The following FOXH1 variants were observed in gnomAD, a reference collection of about 807,000 sequenced individuals.
FOXH1 encodes the protein forkhead box protein H1.
Under a neutral mutation model 14.2 loss-of-function variants are expected in FOXH1, and 10 were observed. The observed-to-expected ratio is 0.70, with a 90% CI of 0.43 to 1.19. FOXH1 has a LOEUF of 1.19. Among genes scored for constraint, FOXH1 ranks in the 50% most tolerant of loss-of-function variants. The pLI is 0.00. For synonymous variants in FOXH1, 273 were observed against 209.5 expected, an observed-to-expected ratio of 1.30 and a Z score of -2.62; for missense variants, 643 against 492.1, an observed-to-expected ratio of 1.31 and a Z score of -2.90.
At position 144,474,075 on chromosome 8, in the gene FOXH1, C is replaced by G. The variant is rs537111394; in HGVS notation, c.*163G>C. The G allele has an allele frequency of 3.1e-4, 192 of 619,762 alleles. No homozygotes were observed. The highest frequency in any genetic ancestry group is 2.7e-3 in the African/African-American group (147 of 54,274). 38.4% of individuals were successfully genotyped at this position (619,762 alleles called of 1,614,324 possible). On this transcript the variant is annotated 3_prime_UTR_variant, in exon 3 of 3. Coordinates refer to ENST00000377317, the MANE Select transcript of FOXH1 (RefSeq NM_003923.3). ...GTGAGGGTTGTGCCCAGCTGGGCCA[C>G]GGCCATGCGTGGGGTGGCCCAATAA...
In FOXH1 at chr8:144,473,695, C is replaced by G. The variant is rs1264702429; in HGVS notation, c.*543G>C. 2.1e-6 allele frequency: 1 copy of G among 486,260 alleles called. No homozygotes were observed. The highest frequency in any genetic ancestry group is 3.6e-6 in the Non-Finnish European group (1 of 279,856). The allele number at this position is 486,260 out of a possible 1,614,324, so 30.1% of individuals were successfully genotyped here. On this transcript the variant is annotated 3_prime_UTR_variant, in exon 3 of 3. Coordinates refer to ENST00000377317, the MANE Select transcript of FOXH1 (RefSeq NM_003923.3). ...CAGGCCCCCCCGCCAAGTGGTTACC[C>G]AAGTCACCACTCCTGACCCAAAAAT...
At chr8:144,475,327 T>C in intron 1 of FOXH1, 66 bp from the exon 2 acceptor site, 1 of 1,339,132 alleles carries the variant, frequency 7.5e-7, no homozygotes, top group African/African-American at 1.4e-5. Context: ...GCCCTACCCC[T>C]CCCCCACTAC....
rs1200736907 is a variant in FOXH1, at chr8:144,473,541, C to T, written c.*697G>A. ...AGCTCCCAGAGTCACCCCTCCACCT[C>T]CGCAGCCAGTGAAGTGTGTTGTGCC... On this transcript the variant is annotated 3_prime_UTR_variant, in exon 3 of 3. Coordinates refer to ENST00000377317, the MANE Select transcript of FOXH1 (RefSeq NM_003923.3). 77 of 1,212,458 alleles carry T rather than the reference C, an allele frequency of 6.4e-5. No individual in the cohort carries two copies. Among genetic ancestry groups the T allele is most frequent in the Admixed American group, 9.1e-5 (3 of 33,130 alleles). The allele number at this position is 1,212,458 out of a possible 1,614,324, so 75.1% of individuals were successfully genotyped here.
At chr8:144,475,117 G>A in intron 2 of FOXH1, 40 bp downstream of exon 2, 2 of 1,606,408 alleles carry the variant, frequency 1.2e-6, no homozygotes, top group Non-Finnish European at 1.7e-6. Context: ...GGACTTCCGC[G>A]CGCGCTCCGC....
rs148389554 is a variant in FOXH1, at chr8:144,474,066, G to T, written c.*172C>A. On this transcript the variant is annotated 3_prime_UTR_variant, in exon 3 of 3. Transcript: ENST00000377317. ...CAGACCAGGGTGAGGGTTGTGCCCA[G>T]CTGGGCCACGGCCATGCGTGGGGTG... 6.6e-6 allele frequency: 4 copies of T among 608,998 alleles called. No individual in the cohort carries two copies. The highest frequency in any genetic ancestry group is 1.2e-5 in the Non-Finnish European group (4 of 346,622). The allele number at this position is 608,998 out of a possible 1,614,324, so 37.7% of individuals were successfully genotyped here. A position where few individuals can be genotyped will look rare whatever the true frequency, so the allele number is the denominator to read the frequency against.
chr8:144,473,493 C>G lies in FOXH1; in HGVS notation c.*745G>C. On this transcript the variant is annotated 3_prime_UTR_variant, in exon 3 of 3. Transcript: ENST00000377317. ...GTCTCCCAGGGCACAAGCTCCCTAG[C>G]CTCTTTGGATCCATTGCCCCTGAGC... 1 of 1,431,946 alleles carries G rather than the reference C, an allele frequency of 7.0e-7. No individual in the cohort carries two copies. The highest frequency in any genetic ancestry group is 1.5e-5 in the South Asian group (1 of 67,580). 88.7% of individuals were successfully genotyped at this position (1,431,946 alleles called of 1,614,324 possible). A position where few individuals can be genotyped will look rare whatever the true frequency, so the allele number is the denominator to read the frequency against.
Position 144,474,263 on chromosome 8 carries a change from C to T in FOXH1, c.1073G>A (p.Trp358Ter). The T allele has an allele frequency of 1.3e-6, 2 of 1,588,942 alleles. No individual in the cohort carries two copies. Among genetic ancestry groups the T allele is most frequent in the Non-Finnish European group, 8.6e-7 (1 of 1,166,840 alleles). The change falls in exon 3 of 3, where the codon TGG becomes TAG. Residue 358 changes from tryptophan to a stop codon, truncating the protein, a stop_gained. Coordinates refer to ENST00000377317, the MANE Select transcript of FOXH1 (RefSeq NM_003923.3). LOFTEE classifies it high-confidence loss of function. ...PRDLAAPGPG[W>*]LLSWCSL The stretch of plus-strand genomic sequence containing the variant: ...TCACAGGCTGCACCAGGAGAGCAGC[C>T]AGCCTGGGCCAGGGGCCGCCAGGTC...
chr8:144,473,986 A>T lies in FOXH1; in HGVS notation c.*252T>A. The stretch of plus-strand genomic sequence containing the variant: ...AGAGGGGACTAGGAAGGGCTATTCC[A>T]GGCTCAGCCCTGCTCCTGCAGCTTT... On this transcript the variant is annotated 3_prime_UTR_variant, in exon 3 of 3. Transcript: ENST00000377317. 1 of 549,054 alleles carries T rather than the reference A, an allele frequency of 1.8e-6. No homozygotes were observed. The highest frequency in any genetic ancestry group is 2.6e-5 in the South Asian group (1 of 38,514). 34.0% of individuals were successfully genotyped at this position (549,054 alleles called of 1,614,324 possible).
chr8:144,473,704 A>C lies in FOXH1; in HGVS notation c.*534T>G. On this transcript the variant is annotated 3_prime_UTR_variant, in exon 3 of 3. Coordinates refer to ENST00000377317, the MANE Select transcript of FOXH1 (RefSeq NM_003923.3). ...CCGCCAAGTGGTTACCCAAGTCACC[A>C]CTCCTGACCCAAAAATCAGGCATGG... 1 of 461,474 alleles carries C rather than the reference A, an allele frequency of 2.2e-6. No homozygotes were observed. 28.6% of individuals were successfully genotyped at this position (461,474 alleles called of 1,614,324 possible). A position where few individuals can be genotyped will look rare whatever the true frequency, so the allele number is the denominator to read the frequency against.
chr8:144,473,495 T>A lies in FOXH1; in HGVS notation c.*743A>T. The A allele has an allele frequency of 7.0e-7, 1 of 1,423,874 alleles. No individual in the cohort carries two copies. The highest frequency in any genetic ancestry group is 9.2e-7 in the Non-Finnish European group (1 of 1,090,334). The allele number at this position is 1,423,874 out of a possible 1,614,324, so 88.2% of individuals were successfully genotyped here. ...CTCCCAGGGCACAAGCTCCCTAGCC[T>A]CTTTGGATCCATTGCCCCTGAGCTC... On this transcript the variant is annotated 3_prime_UTR_variant, in exon 3 of 3. Coordinates refer to ENST00000377317, the MANE Select transcript of FOXH1 (RefSeq NM_003923.3).
Position 144,473,432 on chromosome 8 carries a change from C to T in FOXH1, c.*806G>A, listed in dbSNP as rs1172944908. The T allele has an allele frequency of 1.3e-6, 2 of 1,545,130 alleles. No homozygotes were observed. Among genetic ancestry groups the T allele is most frequent in the Non-Finnish European group, 1.7e-6 (2 of 1,150,664 alleles). On this transcript the variant is annotated 3_prime_UTR_variant, in exon 3 of 3. Transcript: ENST00000377317. ...GCCCATGGGGTCTCAGGCCAGGTCT[C>T]TGCTGGCAGAGGCGGTAGTAAAGTC...
Position 144,475,216 on chromosome 8 carries a change from A to C in FOXH1, c.220T>G (p.Tyr74Asp), listed in dbSNP as rs760890630. The C allele has an allele frequency of 5.0e-6, 8 of 1,613,416 alleles. No individual in the cohort carries two copies. The South Asian group carries it at 8.8e-5, about 18-fold the overall frequency. ...QAVFPFFRED[Y>D]EGWKDSIRHN... is the part of the protein sequence containing the mutation. ...CGAATGGAGTCTTTCCAGCCCTCGTAGTCTTCCCTGAAGAAGGGGAACACG... is the reference window on the plus strand; with the variant it reads ...CGAATGGAGTCTTTCCAGCCCTCGTCGTCTTCCCTGAAGAAGGGGAACACG... The change falls in exon 2 of 3, where the codon TAC becomes GAC. Residue 74 changes from tyrosine (Y) to aspartate (D), a missense_variant. By Grantham distance (160) the Tyr-to-Asp change is radical (BLOSUM62 -3). Transcript: ENST00000377317.
intron 2 of FOXH1, 38 bp from the exon 3 acceptor site, chr8:144,475,094 C>G (rs781520777): frequency 1.2e-6 from 2 of 1,602,688 alleles, no homozygotes; most frequent in African/African-American, 2.7e-5. Flanking sequence ...GGCTGCCCAA[C>G]CTTGGATGCT....
chr8:144,474,044 A>T lies in FOXH1; in HGVS notation c.*194T>A, dbSNP rs1825058633. 1.7e-6 allele frequency: 1 copy of T among 591,302 alleles called. No individual in the cohort carries two copies. Among genetic ancestry groups the T allele is most frequent in the Non-Finnish European group, 3.0e-6 (1 of 334,220 alleles). 36.6% of individuals were successfully genotyped at this position (591,302 alleles called of 1,614,324 possible). ...AGTGTAGGAAAAACAGGCATGACAG[A>T]CCAGGGTGAGGGTTGTGCCCAGCTG... is the stretch of plus-strand genomic sequence containing the variant. On this transcript the variant is annotated 3_prime_UTR_variant, in exon 3 of 3. Transcript: ENST00000377317.
chr8:144,475,157 C>T lies in FOXH1; in HGVS notation c.279G>A (p.Lys93=). Residue 93 remains lysine (K), a splice_region_variant and synonymous_variant, in exon 2 of 3, where the codon AAG becomes AAA. Coordinates refer to ENST00000377317, the MANE Select transcript of FOXH1 (RefSeq NM_003923.3). The part of the protein sequence containing the change: ...HNLSSNRCFR[K]VPKDPAKPQA... ...GGGCTCCGACCCTGGCCTGCCCCACCTTGCGGAAGCATCGGTTGGAGGAAA... is the reference window on the plus strand; with the variant it reads ...GGGCTCCGACCCTGGCCTGCCCCACTTTGCGGAAGCATCGGTTGGAGGAAA... 6.2e-7 allele frequency: 1 copy of T among 1,613,290 alleles called. No homozygotes were observed. The highest frequency in any genetic ancestry group is 8.5e-7 in the Non-Finnish European group (1 of 1,179,810).
Position 144,475,047 on chromosome 8 carries a change from C to T in FOXH1, c.289G>A (p.Asp97Asn), listed in dbSNP as rs760677322. ...SNRCFRKVPK[D>N]PAKPQAKGNF... The stretch of plus-strand genomic sequence containing the variant: ...CCCTTGGCCTGGGGCTTTGCAGGGT[C>T]CTTGGGCACCTGGGTGTGGGGGTCA... The change falls in exon 3 of 3, where the codon GAC becomes AAC. Residue 97 changes from aspartate to asparagine, a missense_variant. Physicochemically the swap from Asp to Asn is conservative, Grantham distance 23 (BLOSUM62 1). Coordinates refer to ENST00000377317, the MANE Select transcript of FOXH1 (RefSeq NM_003923.3). 1.9e-6 allele frequency: 3 copies of T among 1,601,294 alleles called. No homozygotes were observed. Among genetic ancestry groups the T allele is most frequent in the East Asian group, 2.3e-5 (1 of 44,326 alleles).
chr8:144,474,814 T>C lies in FOXH1; in HGVS notation c.522A>G (p.Gly174=). The C allele has an allele frequency of 6.2e-7, 1 of 1,610,936 alleles. No individual in the cohort carries two copies. Among genetic ancestry groups the C allele is most frequent in the Non-Finnish European group, 8.5e-7 (1 of 1,179,206 alleles). Residue 174 remains glycine, a synonymous_variant, in exon 3 of 3, where the codon GGA becomes GGG. Transcript: ENST00000377317. The part of the protein sequence containing the change: ...SEGFSIKSLL[G]GSGEGAPWPG... ...GCCAGGGTGCCCCCTCCCCGGACCC[T>C]CCTAGCAGGGACTTGATGCTGAAGC... is the stretch of plus-strand genomic sequence containing the variant.
chr8:144,474,600 C>G lies in FOXH1; in HGVS notation c.736G>C (p.Glu246Gln). The G allele has an allele frequency of 6.2e-7, 1 of 1,605,426 alleles. No homozygotes were observed. The highest frequency in any genetic ancestry group is 8.5e-7 in the Non-Finnish European group (1 of 1,176,526). ...GAIGPSTLSP[E>Q]PRAWPLHLLQ... ...AAGTGGAGAGGCCAGGCCCTAGGCT[C>G]TGGGGAGAGGGTTGAGGGCCCGATG... The change falls in exon 3 of 3, where the codon GAG becomes CAG. Residue 246 changes from glutamate to glutamine, a missense_variant. Transcript: ENST00000377317.
chr8:144,474,968 T>TG lies in FOXH1; in HGVS notation c.367dup (p.Gln123ProfsTer43), dbSNP rs1261126444. ...CCAGCGCCGGCACAGGGCGGTGTTC[T>TG]GCAGCCGGAGCGCCTCAGCTGGGAT... is the stretch of plus-strand genomic sequence containing the variant. On this transcript the variant is annotated frameshift_variant, in exon 3 of 3. Transcript: ENST00000377317. LOFTEE classifies it low-confidence loss of function (END_TRUNC). 5.0e-6 allele frequency: 8 copies of TG among 1,607,766 alleles called. No homozygotes were observed. Among genetic ancestry groups the TG allele is most frequent in the Non-Finnish European group, 6.8e-6 (8 of 1,178,290 alleles).
Sources: allele counts gnomAD v4.1 joint callset, GRCh38; gene constraint gnomAD v4.1.1; transcripts MANE v1.5; gene names NCBI Gene and HGNC (gene_info 2026-07-23, HGNC 2026-07-21).